SLC7A7: variants seen among roughly 807,000 people sequenced by gnomAD.
SLC7A7 encodes the protein solute carrier family 7 member 7, also known as Y+L amino acid transporter 1.
Under a neutral mutation model 47.9 loss-of-function variants are expected in SLC7A7, and 39 were observed. The observed-to-expected ratio is 0.81, with a 90% CI of 0.63 to 1.06. SLC7A7 has a LOEUF of 1.06. Among genes scored for constraint, SLC7A7 ranks in the 50% least tolerant of loss-of-function variants. SLC7A7 has a pLI of 0.00. For missense variants in SLC7A7, 588 were observed against 632.0 expected (o/e 0.93, Z 0.75); for synonymous variants, 234 against 242.8 (o/e 0.96, Z 0.34).
At chr14:22,791,848 T>TTTTA (rs1555323410) in intron 2 of SLC7A7, among the ~76,000 whole-genome samples, 6 of 138,010 alleles carry the variant, frequency 4.3e-5, no homozygotes, top group East Asian at 2.1e-4. Context: ...TTTTTTTTTT[T>TTTTA]AATTGAGATG....
At chr14:22,779,109 A>G (rs1270681603) in intron 3 of SLC7A7, among the ~76,000 whole-genome samples, 172 bp from the exon 4 acceptor site, 1 of 152,232 alleles carries the variant, frequency 6.6e-6, no homozygotes, top group Non-Finnish European at 1.5e-5. Context: ...AGAGACGTCT[A>G]TAGAGATAGA....
At chr14:22,818,960 T>C (rs1411773418), upstream of SLC7A7, among the ~76,000 whole-genome samples, 1 of 152,100 alleles carries the variant, frequency 6.6e-6, no homozygotes, top group Non-Finnish European at 1.5e-5. Flanking sequence ...CTGTCTGAGA[T>C]GCATTCATCT....
Position 22,799,706 on chromosome 14 carries a change from C to T in SLC7A7, c.499+13194G>A, listed in dbSNP as rs182811683. ...CTGGCCTCAAGTGATCAGCCCACCT[C>T]AGCCTCCCAAAGTGTTGGGATTACA... On this transcript the variant is annotated intron_variant, in intron 2 of 9. Coordinates refer to ENST00000674313, the MANE Select transcript of SLC7A7 (RefSeq NM_003982.4). Among the ~76,000 whole-genome samples, 29 of 152,204 alleles carry T rather than the reference C, an allele frequency of 1.9e-4. No homozygotes were observed. In the East Asian group the frequency reaches 5.4e-3, roughly 28 times the overall value.
chr14:22,785,653 G>A (rs899422479), intron 2 of SLC7A7, among the ~76,000 whole-genome samples: 2 of 151,576 alleles, frequency 1.3e-5, no homozygotes, highest in African/African-American at 4.9e-5. Context: ...ACTTGAACTC[G>A]GGAGGTGGAG....
upstream of SLC7A7, among the ~76,000 whole-genome samples, chr14:22,817,879 A>G (rs753521033): frequency 1.3e-5 from 2 of 152,202 alleles, no homozygotes; most frequent in Non-Finnish European, 2.9e-5. Flanking sequence ...CCTTCAGTCT[A>G]TAGCCTAGAC....
intron 2 of SLC7A7, among the ~76,000 whole-genome samples, chr14:22,788,316 A>G (rs944463215): frequency 3.3e-5 from 5 of 152,170 alleles, no homozygotes; most frequent in East Asian, 1.9e-4. Context: ...AACAATTCAA[A>G]TCAAATTAGT....
At chr14:22,774,292 T>C in intron 8 of SLC7A7, 62 bp downstream of exon 8, 1 of 1,612,528 alleles carries the variant, frequency 6.2e-7, no homozygotes, top group Non-Finnish European at 8.5e-7. Context: ...TTTGTCATAG[T>C]CCCTTGTAGC....
chr14:22,776,156 C>T (rs1326288239), intron 5 of SLC7A7, 39 bp downstream of exon 5: 1 of 1,613,946 alleles, frequency 6.2e-7, no homozygotes, highest in Non-Finnish European at 8.5e-7. Context: ...CAGTACCCCA[C>T]AAGACACCCT....
At chr14:22,807,904 G>A (rs556757613) in intron 2 of SLC7A7, among the ~76,000 whole-genome samples, 2 of 152,302 alleles carry the variant, frequency 1.3e-5, no homozygotes, top group South Asian at 4.1e-4. Context: ...GCTCATGCCT[G>A]TAGTCCCAGC....
At chr14:22,774,597 A>G in intron 7 of SLC7A7, 94 bp from the exon 8 acceptor site, 1 of 1,534,008 alleles carries the variant, frequency 6.5e-7, no homozygotes, top group Non-Finnish European at 9.0e-7. Flanking sequence ...ATCCCCTGTC[A>G]ATCCTCAAAG....
chr14:22,793,816 G>T (rs1566452646), intron 2 of SLC7A7, among the ~76,000 whole-genome samples: 1 of 143,600 alleles, frequency 7.0e-6, no homozygotes. Flanking sequence ...ACTCCATCTC[G>T]AAAAAAAAAA....
chr14:22,786,091 C>T (rs1035067370), intron 2 of SLC7A7, among the ~76,000 whole-genome samples: 7 of 150,262 alleles, frequency 4.7e-5, no homozygotes, highest in African/African-American at 1.2e-4. Context: ...AAGGCCAAGG[C>T]GGGTGGATCA....
chr14:22,787,790 T>TGACTAAGATCA (rs1470998785), intron 2 of SLC7A7, among the ~76,000 whole-genome samples: 4 of 149,010 alleles, frequency 2.7e-5, no homozygotes, highest in Admixed American at 6.7e-5. Flanking sequence ...ATTAAAATGT[T>TGACTAAGATCA]AGGCCGGGCA....
intron 2 of SLC7A7, among the ~76,000 whole-genome samples, chr14:22,782,584 C>G (rs1271971921): frequency 6.6e-6 from 1 of 151,876 alleles, no homozygotes; most frequent in Non-Finnish European, 1.5e-5. Flanking sequence ...GCCTCAGCCT[C>G]CCGAGTAGCT....
At chr14:22,795,442 CT>C (rs757301792) in intron 2 of SLC7A7, among the ~76,000 whole-genome samples, 35,438 of 73,488 alleles carry the variant, frequency 0.48, 8,391 homozygotes, top group East Asian at 0.58. Flanking sequence ...TTCTTTCTTT[CT>C]TTTCTATTCT....
Position 22,774,381 on chromosome 14 carries a change from C to T in SLC7A7, c.1218G>A (p.Lys406=). ...SIVGQLYLRW[K]EPDRPRPLKL... ...TGAGGGGACGAGGTCGATCAGGCTC[C>T]TTCCAGCGCAGATAAAGCTGACCCA... The change falls in exon 8 of 10, where the codon AAG becomes AAA. Residue 406 remains lysine, a synonymous_variant. Coordinates refer to ENST00000674313, the MANE Select transcript of SLC7A7 (RefSeq NM_003982.4). The T allele has an allele frequency of 6.2e-7, 1 of 1,614,158 alleles. No homozygotes were observed. The highest frequency in any genetic ancestry group is 8.5e-7 in the Non-Finnish European group (1 of 1,180,028).
Position 22,788,035 on chromosome 14 carries a change from C to T in SLC7A7, c.500-7984G>A, listed in dbSNP as rs530628536. Among the ~76,000 whole-genome samples the T allele has an allele frequency of 1.0e-3, 150 of 148,480 alleles. 1 individual carries two copies. Among genetic ancestry groups the T allele is most frequent in the African/African-American group, 1.9e-3 (79 of 40,658 alleles). On this transcript the variant is annotated intron_variant, in intron 2 of 9. Coordinates refer to ENST00000674313, the MANE Select transcript of SLC7A7 (RefSeq NM_003982.4). ...TTGCAGTGAGCCGAGATCGCGCCAC[C>T]GCACTCCAGCCTGGGTGACAGAGCG...
Position 22,775,452 on chromosome 14 carries a change from G to T in SLC7A7, c.1087C>A (p.Leu363Ile). The change falls in exon 7 of 10, where the codon CTC becomes ATC. Residue 363 changes from leucine to isoleucine, a missense_variant. By Grantham distance (5) the Leu-to-Ile change is conservative. Coordinates refer to ENST00000674313, the MANE Select transcript of SLC7A7 (RefSeq NM_003982.4). ...TCCTTGAGTTCACTTACATTGAAGA[G>T]CAGAGAAGGCACTGGTGTGAACCGC... is the stretch of plus-strand genomic sequence containing the variant. ...VERFTPVPSLLFNGIMALIYL... is the reference protein window; with the variant it reads ...VERFTPVPSLIFNGIMALIYL... 1 of 1,613,704 alleles carries T rather than the reference G, an allele frequency of 6.2e-7. No individual in the cohort carries two copies. The highest frequency in any genetic ancestry group is 1.1e-5 in the South Asian group (1 of 91,082).
At chr14:22,804,588 A>G (rs2039169442) in intron 2 of SLC7A7, among the ~76,000 whole-genome samples, 1 of 152,250 alleles carries the variant, frequency 6.6e-6, no homozygotes, top group Admixed American at 6.5e-5. Context: ...GAGGACATTC[A>G]TGCGGCCAAC....
Sources: allele counts gnomAD v4.1 joint callset (sites outside exome capture counted in the v4.1 genomes callset), GRCh38; gene constraint gnomAD v4.1.1; transcripts MANE v1.5; gene names NCBI Gene and HGNC (gene_info 2026-07-23, HGNC 2026-07-21).